Variants in FYCO1 observed in about 807,000 individuals in gnomAD.
FYCO1 encodes the protein FYVE and coiled-coil domain-containing protein 1.
In FYCO1, 122 loss-of-function variants were observed where a neutral mutation model predicts 165.1. That is an observed-to-expected ratio of 0.74 (90% CI 0.64 to 0.86). The LOEUF (loss-of-function observed/expected upper bound fraction) is 0.86. FYCO1 is among the 40% of genes least tolerant of loss of function. FYCO1 has a pLI of 0.00. For synonymous variants in FYCO1, 648 were observed against 742.5 expected (o/e 0.87, Z 2.07); for missense variants, 1,702 against 1,810.3 (o/e 0.94, Z 1.09).
chr3:45,967,724 T>A lies in FYCO1; in HGVS notation c.1610A>T (p.Lys537Met), dbSNP rs1412790563. 1 of 1,613,204 alleles carries A rather than the reference T, an allele frequency of 6.2e-7. No homozygotes were observed. The highest frequency in any genetic ancestry group is 8.5e-7 in the Non-Finnish European group (1 of 1,180,050). ...GTGGTCTTTGTCCTGAATGAGCTGCTTCTTCTGCTCCTCCAGGTCACTCAC... is the reference window on the plus strand; with the variant it reads ...GTGGTCTTTGTCCTGAATGAGCTGCATCTTCTGCTCCTCCAGGTCACTCAC... ...QHVSDLEEQKKQLIQDKDHLS... is the reference protein window; with the variant it reads ...QHVSDLEEQKMQLIQDKDHLS... The change falls in exon 8 of 18, where the codon AAG becomes ATG. Residue 537 changes from lysine to methionine, a missense_variant. Lys to Met is a moderately conservative substitution (Grantham distance 95, BLOSUM62 -1). Transcript: ENST00000296137.
Position 45,964,657 on chromosome 3 carries a change from G to T in FYCO1, c.3151-203C>A. 1.7e-6 allele frequency: 1 copy of T among 598,198 alleles called. No individual in the cohort carries two copies. Among genetic ancestry groups the T allele is most frequent in the Non-Finnish European group, 2.1e-6 (1 of 476,396 alleles). 37.1% of individuals were successfully genotyped at this position (598,198 alleles called of 1,614,324 possible). On this transcript the variant is annotated intron_variant, in intron 9 of 17. Coordinates refer to ENST00000296137, the MANE Select transcript of FYCO1 (RefSeq NM_024513.4). The surrounding 1 kb of genome is among the most constrained non-coding windows in gnomAD (Gnocchi z 4.1). ...AACTAGTTGTGGTGGTTGGCAAGTGGCAGGTACCAGAATTCCCAGGGTAAC... is the reference window on the plus strand; with the variant it reads ...AACTAGTTGTGGTGGTTGGCAAGTGTCAGGTACCAGAATTCCCAGGGTAAC...
At chr3:45,943,082 C>G (rs2125816260) in intron 14 of FYCO1, among the ~76,000 whole-genome samples, 1 of 152,314 alleles carries the variant, frequency 6.6e-6, no homozygotes, top group South Asian at 2.1e-4. Context: ...TATGCTGGAG[C>G]TGCATATGCA....
chr3:45,948,662 T>C (rs1366772696), intron 14 of FYCO1, among the ~76,000 whole-genome samples: 2 of 152,252 alleles, frequency 1.3e-5, no homozygotes, highest in African/African-American at 4.8e-5. Context: ...AAGATGTTTT[T>C]TGGGCTTATG....
At chr3:45,934,173 G>T (rs1296336991) in intron 15 of FYCO1, among the ~76,000 whole-genome samples, 1 of 152,140 alleles carries the variant, frequency 6.6e-6, no homozygotes, top group Non-Finnish European at 1.5e-5. Flanking sequence ...TCTCACATTT[G>T]TATCACTGGA....
In FYCO1 at chr3:45,925,253, A is replaced by G. The variant is rs1221181793; in HGVS notation, c.4252-1488T>C. On this transcript the variant is annotated intron_variant, in intron 16 of 17. Coordinates refer to ENST00000296137, the MANE Select transcript of FYCO1 (RefSeq NM_024513.4). Reference sequence around the variant, plus strand: ...CTTACATTTTTTTTTTTTTTTAAGAAGTGACTAGCACCTAGAGGATCTTGT... The same window carrying G: ...CTTACATTTTTTTTTTTTTTTAAGAGGTGACTAGCACCTAGAGGATCTTGT... Among the ~76,000 whole-genome samples the G allele has an allele frequency of 8.0e-5, 12 of 150,730 alleles. No homozygotes were observed. In the East Asian group the frequency reaches 2.0e-3, roughly 25 times the overall value.
At chr3:45,924,103 G>A (rs749112543) in intron 16 of FYCO1, among the ~76,000 whole-genome samples, 5 of 152,206 alleles carry the variant, frequency 3.3e-5, no homozygotes, top group East Asian at 1.9e-4. Context: ...CTTAGTCTAG[G>A]TGGGATCCAT....
At chr3:45,973,063 T>TAAACCA (rs1354836761) in intron 6 of FYCO1, 25 bp downstream of exon 6, 2 of 1,613,930 alleles carry the variant, frequency 1.2e-6, no homozygotes, top group Non-Finnish European at 1.7e-6. Flanking sequence ...TCCTGTCTTT[T>TAAACCA]AAACCAAGCA....
At chr3:45,981,034 T>C (rs1707023476) in intron 3 of FYCO1, among the ~76,000 whole-genome samples, 1 of 152,108 alleles carries the variant, frequency 6.6e-6, no homozygotes, top group South Asian at 2.1e-4. Context: ...TTCAGTAGGT[T>C]GGGGTGGGAG....
chr3:45,933,801 C>T (rs572302599), intron 15 of FYCO1, among the ~76,000 whole-genome samples: 4 of 152,138 alleles, frequency 2.6e-5, no homozygotes, highest in East Asian at 1.9e-4. Context: ...CAACAGAAGC[C>T]GACACTGACA....
Position 45,919,158 on chromosome 3 carries a change from A to G in FYCO1, c.*2607T>C, listed in dbSNP as rs1311146550. 4 of 151,554 alleles carry G rather than the reference A, an allele frequency of 2.6e-5. No individual in the cohort carries two copies. Among genetic ancestry groups the G allele is most frequent in the Admixed American group, 2.6e-4 (4 of 15,222 alleles). The allele number at this position is 151,554 out of a possible 1,614,324, so 9.4% of individuals were successfully genotyped here. A position where few individuals can be genotyped will look rare whatever the true frequency, so the allele number is the denominator to read the frequency against. ...GTAATTCAGTCTAGCCAGGGCTACC[A>G]CCTGCAGCAGTGGTTCTTCAATTGC... On this transcript the variant is annotated 3_prime_UTR_variant, in exon 18 of 18. Coordinates refer to ENST00000296137, the MANE Select transcript of FYCO1 (RefSeq NM_024513.4).
At chr3:45,951,866 G>A (rs1249957632) in intron 14 of FYCO1, among the ~76,000 whole-genome samples, 3 of 152,192 alleles carry the variant, frequency 2.0e-5, no homozygotes, top group Non-Finnish European at 4.4e-5. Flanking sequence ...ACCCATCTCT[G>A]CCAGGAGGAG....
At chr3:45,955,854 G>A (rs372467770) in intron 13 of FYCO1, among the ~76,000 whole-genome samples, 7 of 152,294 alleles carry the variant, frequency 4.6e-5, no homozygotes, top group Admixed American at 1.3e-4. Flanking sequence ...CCACTGATGC[G>A]TGGGAAAGAA....
At chr3:45,956,858 T>A (rs1705359030) in intron 13 of FYCO1, among the ~76,000 whole-genome samples, 3 of 152,222 alleles carry the variant, frequency 2.0e-5, no homozygotes, top group African/African-American at 7.2e-5. Flanking sequence ...TCAATTTAAA[T>A]ATCACCAGGA....
At chr3:45,979,041 T>A (rs1172177255) in intron 4 of FYCO1, among the ~76,000 whole-genome samples, 1 of 151,814 alleles carries the variant, frequency 6.6e-6, no homozygotes, top group Non-Finnish European at 1.5e-5. Flanking sequence ...GTGTGTTTTT[T>A]AGTAGAGACG....
At chr3:45,926,421 C>T (rs985645702) in intron 16 of FYCO1, among the ~76,000 whole-genome samples, 6 of 152,258 alleles carry the variant, frequency 3.9e-5, no homozygotes, top group African/African-American at 1.2e-4. Context: ...GGGATAATTT[C>T]ATAATGATAA....
intron 5 of FYCO1, among the ~76,000 whole-genome samples, chr3:45,974,594 A>G (rs1706628438): frequency 6.6e-6 from 1 of 152,152 alleles, no homozygotes; most frequent in South Asian, 2.1e-4. Context: ...CTCCAAAAGG[A>G]AAGGGGCCAA....
chr3:45,941,042 C>T (rs1704197617), intron 14 of FYCO1: 1 of 152,232 alleles, frequency 6.6e-6, no homozygotes, highest in Admixed American at 6.5e-5. Context: ...CAGATGATCT[C>T]TCAGCTCATC....
chr3:45,973,253 A>C, intron 5 of FYCO1, 22 bp from the exon 6 acceptor site: 1 of 1,611,980 alleles, frequency 6.2e-7, no homozygotes, highest in Non-Finnish European at 8.5e-7. Flanking sequence ...CATGTCAATT[A>C]TAAGAGTAAT....
At position 45,979,843 on chromosome 3, in the gene FYCO1, A is replaced by G. The variant is rs1706959608; in HGVS notation, c.163-13T>C. 2 of 1,613,486 alleles carry G rather than the reference A, an allele frequency of 1.2e-6. No homozygotes were observed. The highest frequency in any genetic ancestry group is 2.7e-5 in the African/African-American group (2 of 74,902). ...CTTTCTGATCAAACTGGGTAGGGAAAGGGAAAGGGAGAGGAGGTCCAAACC... is the reference window on the plus strand; with the variant it reads ...CTTTCTGATCAAACTGGGTAGGGAAGGGGAAAGGGAGAGGAGGTCCAAACC... On this transcript the variant is annotated splice_polypyrimidine_tract_variant and intron_variant, in intron 3 of 17. Transcript: ENST00000296137.
Sources: allele counts gnomAD v4.1 joint callset (sites outside exome capture counted in the v4.1 genomes callset), GRCh38; gene constraint gnomAD v4.1.1; non-coding constraint Gnocchi (gnomAD v3.1); transcripts MANE v1.5; gene names NCBI Gene and HGNC (gene_info 2026-07-23, HGNC 2026-07-21).